CNTLN: variants seen among roughly 807,000 people sequenced by gnomAD.
CNTLN encodes centlein.
A neutral mutation model predicts 180.0 loss-of-function variants in CNTLN; 212 were observed. That is an observed-to-expected ratio of 1.18 (90% CI 1.05 to 1.32). CNTLN has a LOEUF of 1.32. Among genes scored for constraint, CNTLN ranks in the 40% most tolerant of loss-of-function variants. CNTLN has a pLI of 0.00. For synonymous variants in CNTLN, 722 were observed against 563.1 expected (o/e 1.28, Z -3.99); for missense variants, 2,095 against 1,610.9 (o/e 1.30, Z -5.14).
intron 8 of CNTLN, among the ~76,000 whole-genome samples, chr9:17,316,825 TG>T: frequency 6.6e-6 from 1 of 152,038 alleles, no homozygotes; most frequent in Non-Finnish European, 1.5e-5. Flanking sequence ...GTGCTTACCC[TG>T]GGGGGGATTA....
chr9:17,289,771 G>A (rs1164631954), intron 6 of CNTLN, among the ~76,000 whole-genome samples: 1 of 142,896 alleles, frequency 7.0e-6, no homozygotes, highest in Admixed American at 7.0e-5. Flanking sequence ...ATCTTCCATT[G>A]CTGATACCCT....
At chr9:17,328,719 G>C (rs999161623) in intron 8 of CNTLN, among the ~76,000 whole-genome samples, 3 of 152,000 alleles carry the variant, frequency 2.0e-5, no homozygotes, top group African/African-American at 7.2e-5. Context: ...GCCTCTGTTG[G>C]ATGAATTTTA....
intron 18 of CNTLN, among the ~76,000 whole-genome samples, chr9:17,426,095 A>T (rs1587962562): frequency 6.6e-6 from 1 of 152,228 alleles, no homozygotes; most frequent in Non-Finnish European, 1.5e-5. Context: ...AGGAACAGAG[A>T]TTGGATTATG....
intron 7 of CNTLN, among the ~76,000 whole-genome samples, chr9:17,304,541 A>G (rs1180115490): frequency 3.9e-5 from 6 of 152,152 alleles, no homozygotes; most frequent in Non-Finnish European, 7.4e-5. Flanking sequence ...ATATTAAATT[A>G]CATGTTAAAT....
At chr9:17,371,875 A>G (rs1014658299) in intron 13 of CNTLN, among the ~76,000 whole-genome samples, 2 of 152,182 alleles carry the variant, frequency 1.3e-5, no homozygotes, top group Admixed American at 6.5e-5. Flanking sequence ...CCGTGTGTCA[A>G]TGAAGAAATT....
At chr9:17,230,833 GCTTGCCCC>G (rs1413113301) in intron 3 of CNTLN, among the ~76,000 whole-genome samples, 4 of 151,970 alleles carry the variant, frequency 2.6e-5, no homozygotes. Flanking sequence ...TCTGAGTACT[GCTTGCCCC>G]CTTCCCCCAA....
intron 17 of CNTLN, 24 bp from the exon 18 acceptor site, chr9:17,415,942 A>G (rs781290266): frequency 4.4e-6 from 7 of 1,588,600 alleles, no homozygotes; most frequent in Non-Finnish European, 4.3e-6. Context: ...TTTTTAAAAT[A>G]TGAACAATAT....
chr9:17,140,968 A>T (rs1317769053), intron 1 of CNTLN, among the ~76,000 whole-genome samples: 1 of 152,234 alleles, frequency 6.6e-6, no homozygotes, highest in African/African-American at 2.4e-5. Context: ...GATACATTTG[A>T]GTATGTAAAA....
In CNTLN at chr9:17,425,744, T is replaced by A. The variant is rs190751363; in HGVS notation, c.3114+9555T>A. 7.3e-3 allele frequency among the ~76,000 whole-genome samples: 1,109 copies of A among 152,210 alleles called. 14 individuals carry two copies. The highest frequency in any genetic ancestry group is 0.034 in the Middle Eastern group (10 of 294). On this transcript the variant is annotated intron_variant, in intron 18 of 25. Transcript: ENST00000380647. ...AATCCTTATGATAAAATATTTTTTT[T>A]AAAAAAACCTTGGATTGGCTGAATT...
At chr9:17,449,300 T>C (rs566809139) in intron 18 of CNTLN, among the ~76,000 whole-genome samples, 3 of 147,286 alleles carry the variant, frequency 2.0e-5, no homozygotes, top group African/African-American at 7.5e-5. Context: ...CCCCAGAGTG[T>C]GATGTTCCCC....
chr9:17,352,418 T>TA (rs1564020071), intron 12 of CNTLN, among the ~76,000 whole-genome samples: 20 of 19,258 alleles, frequency 1.0e-3, no homozygotes, highest in African/African-American at 2.3e-3. Flanking sequence ...ATATATATAT[T>TA]TTTTTTTTTT....
intron 18 of CNTLN, among the ~76,000 whole-genome samples, chr9:17,449,791 C>T (rs1355390236): frequency 6.6e-6 from 1 of 152,154 alleles, no homozygotes; most frequent in Non-Finnish European, 1.5e-5. Context: ...AAAGACACTA[C>T]CTTGCTAATA....
intron 25 of CNTLN, among the ~76,000 whole-genome samples, chr9:17,488,337 G>A (rs1588100508): frequency 6.6e-6 from 1 of 152,024 alleles, no homozygotes; most frequent in Admixed American, 6.6e-5. Context: ...TGAGAACAGA[G>A]GCCATTTCTT....
At chr9:17,228,229 A>G (rs1030946407) in intron 3 of CNTLN, among the ~76,000 whole-genome samples, 2 of 152,124 alleles carry the variant, frequency 1.3e-5, no homozygotes, top group African/African-American at 4.8e-5. Context: ...TTTGTAAATG[A>G]AAATATATTT....
intron 18 of CNTLN, among the ~76,000 whole-genome samples, chr9:17,428,435 C>T (rs1829224072): frequency 1.3e-5 from 2 of 152,146 alleles, no homozygotes; most frequent in South Asian, 2.1e-4. Flanking sequence ...CTCCATTTTA[C>T]AGAAATTAAC....
chr9:17,362,189 T>G (rs1370600875), intron 12 of CNTLN, among the ~76,000 whole-genome samples: 1 of 152,194 alleles, frequency 6.6e-6, no homozygotes, highest in Non-Finnish European at 1.5e-5. Flanking sequence ...AGCCCTACCT[T>G]CTGTTGGGTT....
chr9:17,511,669 C>T, the CNTLN span, among the ~76,000 whole-genome samples: 1 of 151,704 alleles, frequency 6.6e-6, no homozygotes, highest in Non-Finnish European at 1.5e-5. Context: ...CACACACACA[C>T]ACGCACACGT....
At chr9:17,385,823 T>G (rs1825644505) in intron 13 of CNTLN, among the ~76,000 whole-genome samples, 1 of 152,150 alleles carries the variant, frequency 6.6e-6, no homozygotes, top group Non-Finnish European at 1.5e-5. Flanking sequence ...GCATAGGTTA[T>G]TTGCAAATGC....
At chr9:17,331,063 A>G (rs191336005) in intron 9 of CNTLN, among the ~76,000 whole-genome samples, 65 of 152,108 alleles carry the variant, frequency 4.3e-4, no homozygotes, top group African/African-American at 1.5e-3. Flanking sequence ...GTAAATTAAC[A>G]TTCTTATATT....
Sources: gnomAD v4.1 joint callset for allele counts (sites outside exome capture counted in the v4.1 genomes callset) on GRCh38, gnomAD v4.1.1 for gene constraint, MANE v1.5 for transcripts, NCBI Gene and HGNC (gene_info 2026-07-23, HGNC 2026-07-21) for gene names.